The following SDK2 variants were observed in gnomAD, a reference collection of about 807,000 sequenced individuals.
The protein encoded by SDK2 is protein sidekick-2.
A neutral mutation model predicts 253.9 loss-of-function variants in SDK2; 105 were observed. The ratio of observed to expected loss-of-function variants is 0.41; its 90% CI spans 0.35 to 0.49. The LOEUF (loss-of-function observed/expected upper bound fraction) is 0.49. SDK2 is among the 20% of genes least tolerant of loss of function. SDK2 has a pLI of 0.06. For synonymous variants in SDK2, 1,249 were observed against 1,234.9 expected, an observed-to-expected ratio of 1.01 and a Z score of -0.24; for missense variants, 2,608 against 3,003.0, an observed-to-expected ratio of 0.87 and a Z score of 3.07.
intron 1 of SDK2, among the ~76,000 whole-genome samples, chr17:73,626,488 G>C (rs558688343): frequency 6.6e-6 from 1 of 152,350 alleles, no homozygotes; most frequent in South Asian, 2.1e-4. Flanking sequence ...AGAAGGAAAA[G>C]GCCAAGTGGA....
At position 73,627,300 on chromosome 17, in the gene SDK2, AT is replaced by A. The variant is rs948023682; in HGVS notation, c.64+16724del. ...TGTATTTTGTGGATTAAATGGCAGC[AT>A]TTTTTTTTTCTTTCTTGGCGGCACA... On this transcript the variant is annotated intron_variant, in intron 1 of 44. Coordinates refer to ENST00000392650, the MANE Select transcript of SDK2 (RefSeq NM_001144952.2). Among the ~76,000 whole-genome samples the A allele has an allele frequency of 2.3e-3, 340 of 149,366 alleles. 1 individual carries two copies. Among genetic ancestry groups the A allele is most frequent in the African/African-American group, 7.7e-3 (314 of 40,760 alleles).
chr17:73,533,927 G>A (rs183754240), intron 1 of SDK2, among the ~76,000 whole-genome samples: 1 of 152,194 alleles, frequency 6.6e-6, no homozygotes, highest in East Asian at 1.9e-4. Flanking sequence ...AGACTAATTA[G>A]CTGGTGCTGA....
chr17:73,598,406 G>A (rs2045790417), intron 1 of SDK2, among the ~76,000 whole-genome samples: 1 of 152,202 alleles, frequency 6.6e-6, no homozygotes, highest in Admixed American at 6.5e-5. Context: ...GCTGGCCGAG[G>A]CAGCCCCATG....
At chr17:73,507,068 A>C (rs1038467182) in intron 2 of SDK2, among the ~76,000 whole-genome samples, 5 of 152,210 alleles carry the variant, frequency 3.3e-5, no homozygotes, top group African/African-American at 1.2e-4. Context: ...AGGCCCCACA[A>C]CAAGAGTCCC....
intron 2 of SDK2, among the ~76,000 whole-genome samples, chr17:73,474,661 C>T (rs1029675788): frequency 6.6e-6 from 1 of 152,218 alleles, no homozygotes; most frequent in East Asian, 1.9e-4. Context: ...CTCCGTTCAC[C>T]TCATCTTCAA....
intron 2 of SDK2, among the ~76,000 whole-genome samples, chr17:73,483,307 CTTTTTTTTTT>C (rs3070666): frequency 8.6e-6 from 1 of 116,932 alleles, no homozygotes; most frequent in Admixed American, 9.2e-5. Flanking sequence ...CAAGACAGAA[CTTTTTTTTTT>C]TTTTTTTTTT....
At chr17:73,393,872 G>C in intron 26 of SDK2, 123 bp from the exon 27 acceptor site, 1 of 738,568 alleles carries the variant, frequency 1.4e-6, no homozygotes, top group Non-Finnish European at 2.1e-6. Context: ...CCAGACCAGG[G>C]CTGGACCATG....
rs745828533 is a variant in SDK2 at position 73,352,676 on chromosome 17, G to A, written c.5594-39C>T. On this transcript the variant is annotated intron_variant, in intron 40 of 44. Coordinates refer to ENST00000392650, the MANE Select transcript of SDK2 (RefSeq NM_001144952.2). The surrounding 1 kb of genome is among the most constrained non-coding windows in gnomAD (Gnocchi z 4.1). ...GAGATGGAGGCCCTGGGAGGTGAGG[G>A]GAAGCCCCAAATCCCGCTCCCAGCC... 1.2e-6 allele frequency: 2 copies of A among 1,606,834 alleles called. No individual in the cohort carries two copies. Among genetic ancestry groups the A allele is most frequent in the African/African-American group, 1.3e-5 (1 of 74,932 alleles).
chr17:73,600,800 C>T (rs1230335905), intron 1 of SDK2, among the ~76,000 whole-genome samples: 1 of 152,192 alleles, frequency 6.6e-6, no homozygotes. Flanking sequence ...CCACCGGATA[C>T]CCTTTCCCTG....
In SDK2 at chr17:73,338,621, C is replaced by T. The variant is rs531489617; in HGVS notation, c.6485G>A (p.Arg2162Gln). 1.2e-5 allele frequency: 18 copies of T among 1,529,026 alleles called. No homozygotes were observed. Among genetic ancestry groups the T allele is most frequent in the East Asian group, 2.3e-5 (1 of 44,208 alleles). The allele number at this position is 1,529,026 out of a possible 1,614,324, so 94.7% of individuals were successfully genotyped here. ...TGATGAAAATCCTGCTATGGGAGCC[C>T]GGGAGCCTGGGGCCAGGCTGCTGGG... ...RPPSSLAPGS[R>Q]APIAGFSSFV The change falls in exon 45 of 45, where the codon CGG (arginine) becomes CAG (glutamine). Residue 2162 changes from arginine to glutamine, a missense_variant. Arg to Gln is a conservative substitution (Grantham distance 43). Coordinates refer to ENST00000392650, the MANE Select transcript of SDK2 (RefSeq NM_001144952.2). This position sits in a 1 kb window ranked among gnomAD's most constrained non-coding sequence, Gnocchi z 5.0.
At chr17:73,422,691 C>A (rs1259754031) in intron 14 of SDK2, among the ~76,000 whole-genome samples, 1 of 152,066 alleles carries the variant, frequency 6.6e-6, no homozygotes, top group Admixed American at 6.6e-5. Context: ...CCCCACTACC[C>A]CCCACAAATT....
intron 4 of SDK2, among the ~76,000 whole-genome samples, chr17:73,450,316 G>T (rs1020670852): frequency 6.6e-6 from 1 of 152,252 alleles, no homozygotes; most frequent in Admixed American, 6.5e-5. Context: ...CCCAGAGGTT[G>T]AAGGATTCTG....
At chr17:73,423,028 G>GAATAAATAAATA (rs1279187898) in intron 14 of SDK2, among the ~76,000 whole-genome samples, 2 of 31,054 alleles carry the variant, frequency 6.4e-5, no homozygotes, top group Non-Finnish European at 1.7e-4. Context: ...TCTCAAAAAT[G>GAATAAATAAATA]AATAAATAAA....
chr17:73,507,121 T>TCACAGC lies in SDK2; in HGVS notation c.224+311_224+316dup, dbSNP rs373184660. ...CGAGAGAGTGAGCAGGGGGCCACAG[T>TCACAGC]CACAGCCACAGCCACAGCTGCTGTT... On this transcript the variant is annotated intron_variant, in intron 2 of 44. Coordinates refer to ENST00000392650, the MANE Select transcript of SDK2 (RefSeq NM_001144952.2). 1.9e-4 allele frequency among the ~76,000 whole-genome samples: 29 copies of TCACAGC among 152,298 alleles called. 1 individual carries two copies. In the South Asian group the frequency reaches 6.0e-3, roughly 32 times the overall value.
In SDK2 at chr17:73,383,922, C is replaced by T. The variant is rs755863605; in HGVS notation, c.4659G>A (p.Thr1553=). 52 of 1,613,810 alleles carry T rather than the reference C, an allele frequency of 3.2e-5. No individual in the cohort carries two copies. Among genetic ancestry groups the T allele is most frequent in the Admixed American group, 2.2e-4 (13 of 60,000 alleles). Reference sequence around the variant, plus strand: ...CCCCTGGGTTGTTGATGCCTCGAAGCGTGAAGCCCCTCAGTCCTTCATAGA... The same window carrying T: ...CCCCTGGGTTGTTGATGCCTCGAAGTGTGAAGCCCCTCAGTCCTTCATAGA... The part of the protein sequence containing the change: ...ELLYEGLRGF[T]LRGINNPGAT... The change falls in exon 33 of 45, where the codon ACG becomes ACA. Residue 1553 remains threonine, a synonymous_variant. Transcript: ENST00000392650. The surrounding 1 kb of genome is among the most constrained non-coding windows in gnomAD (Gnocchi z 4.3).
At chr17:73,341,247 T>TG (rs1271253687) in intron 44 of SDK2, among the ~76,000 whole-genome samples, 4 of 150,342 alleles carry the variant, frequency 2.7e-5, no homozygotes, top group African/African-American at 9.8e-5. Flanking sequence ...TTTTTTTTTT[T>TG]TGACACTTTG....
Position 73,618,380 on chromosome 17 carries a change from C to T in SDK2, c.64+25645G>A, listed in dbSNP as rs979371976. On this transcript the variant is annotated intron_variant, in intron 1 of 44. Coordinates refer to ENST00000392650, the MANE Select transcript of SDK2 (RefSeq NM_001144952.2). The surrounding 1 kb of genome is among the most constrained non-coding windows in gnomAD (Gnocchi z 4.1). ...TGCCTGTGGATTCATTTATAGTCGTCAAAACAAGATTCTCCAGGGAGGCAG... is the reference window on the plus strand; with the variant it reads ...TGCCTGTGGATTCATTTATAGTCGTTAAAACAAGATTCTCCAGGGAGGCAG... 2.0e-5 allele frequency among the ~76,000 whole-genome samples: 3 copies of T among 152,186 alleles called. No homozygotes were observed. Among genetic ancestry groups the T allele is most frequent in the Admixed American group, 6.5e-5 (1 of 15,284 alleles).
chr17:73,467,950 T>C lies in SDK2; in HGVS notation c.331+4162A>G, dbSNP rs2063614515. Among the ~76,000 whole-genome samples, 1 of 152,174 alleles carries C rather than the reference T, an allele frequency of 6.6e-6. No individual in the cohort carries two copies. The highest frequency in any genetic ancestry group is 1.5e-5 in the Non-Finnish European group (1 of 68,022). ...TGCTCCCCCTTCAGCCACTCCAAGG[T>C]GTCCTATTCCTTTGCCAGGGGCCTT... On this transcript the variant is annotated intron_variant, in intron 3 of 44. Transcript: ENST00000392650. The surrounding 1 kb of genome is among the most constrained non-coding windows in gnomAD (Gnocchi z 4.1).
At position 73,526,683 on chromosome 17, in the gene SDK2, G is replaced by A. The variant is rs375807552; in HGVS notation, c.65-19086C>T. On this transcript the variant is annotated intron_variant, in intron 1 of 44. Transcript: ENST00000392650. Reference sequence around the variant, plus strand: ...TATGTGTGTGTTTGCATATGTGTGTGTTTGTGTGCATATGTGTGTATTTGT... The same window carrying A: ...TATGTGTGTGTTTGCATATGTGTGTATTTGTGTGCATATGTGTGTATTTGT... Among the ~76,000 whole-genome samples the A allele has an allele frequency of 3.2e-3, 486 of 151,840 alleles. 3 individuals carry two copies. The highest frequency in any genetic ancestry group is 0.011 in the African/African-American group (472 of 41,456).
Sources: gnomAD v4.1 joint callset for allele counts (sites outside exome capture counted in the v4.1 genomes callset) on GRCh38, gnomAD v4.1.1 for gene constraint, Gnocchi (gnomAD v3.1) non-coding constraint, MANE v1.5 for transcripts, NCBI Gene and HGNC (gene_info 2026-07-23, HGNC 2026-07-21) for gene names.